Variants in AP1G1 observed in about 807,000 individuals in gnomAD.
AP1G1 encodes adaptor related protein complex 1 subunit gamma 1.
In AP1G1, 7 loss-of-function variants were observed where a neutral mutation model predicts 108.3. That is an observed-to-expected ratio of 0.06 (90% CI 0.04 to 0.12). The LOEUF (loss-of-function observed/expected upper bound fraction) is 0.12, where lower values mean the gene tolerates loss of function less well. Ranked by LOEUF, AP1G1 falls within the 10% of genes least tolerant of loss-of-function variation. The pLI, the probability that AP1G1 is intolerant of heterozygous loss-of-function variation, is 1.00. For missense variants in AP1G1, 756 were observed against 1,010.7 expected (o/e 0.75, Z 3.42); for synonymous variants, 379 against 353.5 (o/e 1.07, Z -0.81).
At chr16:71,776,506 C>G (rs1314903830) in intron 2 of AP1G1, among the ~76,000 whole-genome samples, 1 of 152,148 alleles carries the variant, frequency 6.6e-6, no homozygotes, top group Non-Finnish European at 1.5e-5. Flanking sequence ...ATGAGAAAAT[C>G]AGAAGCTAAA....
At chr16:71,804,052 TA>T (rs898705484) in intron 1 of AP1G1, among the ~76,000 whole-genome samples, 1 of 151,992 alleles carries the variant, frequency 6.6e-6, no homozygotes, top group Non-Finnish European at 1.5e-5. Flanking sequence ...TTTATTTATT[TA>T]TTTTTTTTTT....
At chr16:71,766,289 C>G (rs1657962653) in intron 6 of AP1G1, 1 of 220,962 alleles carries the variant, frequency 4.5e-6, no homozygotes, top group Non-Finnish European at 9.7e-6. Context: ...GCTTTATGGC[C>G]TGTTTTCTTG....
chr16:71,801,276 T>A (rs2032789073), intron 1 of AP1G1, among the ~76,000 whole-genome samples: 1 of 148,182 alleles, frequency 6.7e-6, no homozygotes, highest in Non-Finnish European at 1.5e-5. Context: ...TAAGACTCCA[T>A]CTCAAAAAAA....
intron 1 of AP1G1, among the ~76,000 whole-genome samples, chr16:71,794,835 C>CTTTTTTTTTT (rs55761928): frequency 0.015 from 580 of 39,654 alleles, 79 homozygotes; most frequent in Middle Eastern, 0.029. Flanking sequence ...ATGAGAAGTG[C>CTTTTTTTTTT]TTTTTTTTTT....
chr16:71,746,562 C>T lies in AP1G1; in HGVS notation c.1730+26G>A, dbSNP rs113428030. The T allele has an allele frequency of 3.9e-4, 534 of 1,372,090 alleles. 6 individuals carry two copies. The Middle Eastern group carries it at 6.4e-3, about 16-fold the overall frequency. The allele number at this position is 1,372,090 out of a possible 1,614,324, so 85.0% of individuals were successfully genotyped here. A position where few individuals can be genotyped will look rare whatever the true frequency, so the allele number is the denominator to read the frequency against. ...TTTAGTCAGGATGCTAAGAGATACA[C>T]GCATTGCTTAGTTTCTTTCGCTCAC... On this transcript the variant is annotated intron_variant, in intron 17 of 22. Transcript: ENST00000299980.
At position 71,748,348 on chromosome 16, in the gene AP1G1, C is replaced by G; in HGVS notation, c.1528G>C (p.Glu510Gln). The G allele has an allele frequency of 6.2e-7, 1 of 1,613,454 alleles. No individual in the cohort carries two copies. The change falls in exon 16 of 23, where the codon GAA (glutamate) becomes CAA (glutamine). Residue 510 changes from glutamate (E) to glutamine (Q), a missense_variant. By Grantham distance (29) the Glu-to-Gln change is conservative (BLOSUM62 2). Coordinates refer to ENST00000299980, the MANE Select transcript of AP1G1 (RefSeq NM_001128.6). ...VTEDEVLDILESVLISNMSTS... is the reference protein window; with the variant it reads ...VTEDEVLDILQSVLISNMSTS... ...GACATATTAGAGATTAGGACACTTT[C>G]TAAAATATCCAACACTTCATCCTCT...
At chr16:71,741,403 C>T (rs570196733) in intron 19 of AP1G1, among the ~76,000 whole-genome samples, 210 of 152,054 alleles carry the variant, frequency 1.4e-3, no homozygotes, top group Non-Finnish European at 2.7e-3. Context: ...GCCAACACAG[C>T]GAAACCCTAT....
At chr16:71,801,127 C>A (rs1346374305) in intron 1 of AP1G1, among the ~76,000 whole-genome samples, 1 of 151,824 alleles carries the variant, frequency 6.6e-6, no homozygotes, top group Admixed American at 6.6e-5. Flanking sequence ...GCCAACATGG[C>A]GAAACCTCAT....
In AP1G1 at chr16:71,757,075, G is replaced by A. The variant is rs555868559; in HGVS notation, c.1089-916C>T. 1.3e-5 allele frequency among the ~76,000 whole-genome samples: 2 copies of A among 152,264 alleles called. 1 individual carries two copies. Among genetic ancestry groups the A allele is most frequent in the Admixed American group, 1.3e-4 (2 of 15,294 alleles). On this transcript the variant is annotated intron_variant, in intron 11 of 22. Transcript: ENST00000299980. Reference sequence around the variant, plus strand: ...AGTTAAAAATAGGAATGTTTAACATGTAAAAGCTGTAAGGTTGCTATATGC... The same window carrying A: ...AGTTAAAAATAGGAATGTTTAACATATAAAAGCTGTAAGGTTGCTATATGC...
At chr16:71,735,346 A>C (rs1717110585) in intron 21 of AP1G1, among the ~76,000 whole-genome samples, 1 of 152,260 alleles carries the variant, frequency 6.6e-6, no homozygotes, top group South Asian at 2.1e-4. Flanking sequence ...GGTGGGGTTT[A>C]TTTGCTTGCT....
chr16:71,805,195 C>T (rs2032955487), intron 1 of AP1G1, among the ~76,000 whole-genome samples: 1 of 152,124 alleles, frequency 6.6e-6, no homozygotes. Context: ...TGCCTGTAAT[C>T]CCAGCACTTT....
At chr16:71,745,411 C>T (rs2030121034) in intron 18 of AP1G1, 62 bp downstream of exon 18, 1 of 1,611,422 alleles carries the variant, frequency 6.2e-7, no homozygotes, top group Non-Finnish European at 8.5e-7. Flanking sequence ...AGCTAAGAGA[C>T]AAGCTGTAAG....
intron 17 of AP1G1, 24 bp downstream of exon 17, chr16:71,746,564 C>T (rs1433531994): frequency 1.4e-6 from 2 of 1,386,208 alleles, no homozygotes; most frequent in Non-Finnish European, 2.0e-6. Context: ...GAGATACACG[C>T]ATTGCTTAGT....
chr16:71,803,327 T>G (rs889666083), intron 1 of AP1G1, among the ~76,000 whole-genome samples: 3 of 152,204 alleles, frequency 2.0e-5, no homozygotes, highest in Admixed American at 6.6e-5. Flanking sequence ...ACCTACTTAA[T>G]TTGTTGCCAA....
At chr16:71,808,621 C>A in intron 1 of AP1G1, 142 bp downstream of exon 1, 1 of 1,289,688 alleles carries the variant, frequency 7.8e-7, no homozygotes, top group Non-Finnish European at 1.0e-6. Context: ...CCTCTCCTGG[C>A]CCAGCTTCTC....
chr16:71,796,465 G>A (rs528221063), intron 1 of AP1G1, among the ~76,000 whole-genome samples: 1 of 152,182 alleles, frequency 6.6e-6, no homozygotes, highest in South Asian at 2.1e-4. Context: ...CTCCATACAA[G>A]GAATAGTGTC....
At chr16:71,734,478 T>C (rs2045508675) in intron 22 of AP1G1, 131 bp downstream of exon 22, 2 of 739,148 alleles carry the variant, frequency 2.7e-6, no homozygotes, top group Admixed American at 4.4e-5. Context: ...GCAAGGAAGT[T>C]AGACCAGGCA....
chr16:71,736,117 A>AAAAAAAAAAAATATAT (rs1555550846), intron 21 of AP1G1, among the ~76,000 whole-genome samples: 8 of 71,636 alleles, frequency 1.1e-4, no homozygotes, highest in African/African-American at 3.1e-4. Flanking sequence ...AAAAAAAAAA[A>AAAAAAAAAAAATATAT]ATATATATAT....
intron 21 of AP1G1, among the ~76,000 whole-genome samples, chr16:71,735,871 CG>C (rs1272822156): frequency 6.6e-6 from 1 of 151,324 alleles, no homozygotes; most frequent in East Asian, 2.0e-4. Flanking sequence ...GGGCTGGGCA[CG>C]GTATTCCCAG....
Sources: allele counts gnomAD v4.1 joint callset (sites outside exome capture counted in the v4.1 genomes callset), GRCh38; gene constraint gnomAD v4.1.1; transcripts MANE v1.5; gene names NCBI Gene and HGNC (gene_info 2026-07-23, HGNC 2026-07-21).